The following PKIA variants were observed in gnomAD, a reference collection of about 807,000 sequenced individuals.
PKIA encodes the protein PKI-alpha.
PKIA carries 4 observed loss-of-function variants against 7.6 expected under a neutral mutation model. The ratio of observed to expected loss-of-function variants is 0.52; its 90% CI spans 0.26 to 1.20. PKIA has a LOEUF of 1.20. Ranked by LOEUF, PKIA falls within the 50% of genes most tolerant of loss-of-function variation. PKIA has a pLI of 0.13. For missense variants in PKIA, 73 were observed against 86.2 expected (o/e 0.85, Z 0.61); for synonymous variants, 21 against 30.7 (o/e 0.68, Z 1.04).
At chr8:78,523,804 G>A (rs1809462734) in intron 1 of PKIA, among the ~76,000 whole-genome samples, 1 of 149,638 alleles carries the variant, frequency 6.7e-6, no homozygotes, top group Non-Finnish European at 1.5e-5. Context: ...TAGATTTAAA[G>A]ACCAGGAAAT....
intron 2 of PKIA, among the ~76,000 whole-genome samples, chr8:78,573,841 T>G (rs1807612469): frequency 6.6e-6 from 1 of 151,924 alleles, no homozygotes; most frequent in African/African-American, 2.4e-5. Flanking sequence ...TTTGAATTAA[T>G]GAATAAGTCC....
chr8:78,552,635 G>T (rs538698600), intron 1 of PKIA, among the ~76,000 whole-genome samples: 1 of 151,988 alleles, frequency 6.6e-6, no homozygotes, highest in African/African-American at 2.4e-5. Context: ...GGGAACAATG[G>T]TGAAACATAA....
At chr8:78,521,944 A>G (rs1809425065) in intron 1 of PKIA, among the ~76,000 whole-genome samples, 1 of 151,870 alleles carries the variant, frequency 6.6e-6, no homozygotes. Flanking sequence ...TCATAAGTGG[A>G]ATCACTTATG....
At chr8:78,558,201 A>AT (rs1416947682) in intron 1 of PKIA, among the ~76,000 whole-genome samples, 1 of 152,168 alleles carries the variant, frequency 6.6e-6, no homozygotes. Flanking sequence ...TGTCCCTAAA[A>AT]TATCTATTAT....
chr8:78,597,127 T>G (rs1417968110), intron 2 of PKIA, among the ~76,000 whole-genome samples: 1 of 152,168 alleles, frequency 6.6e-6, no homozygotes, highest in African/African-American at 2.4e-5. Flanking sequence ...TGCTTCTGGC[T>G]TTTTTCTTTT....
At chr8:78,525,475 C>T (rs1412837412) in intron 1 of PKIA, among the ~76,000 whole-genome samples, 1 of 151,942 alleles carries the variant, frequency 6.6e-6, no homozygotes, top group African/African-American at 2.4e-5. Flanking sequence ...TTATCTGACA[C>T]TAAACAGTCC....
chr8:78,523,961 A>AAT (rs1217986707), intron 1 of PKIA, among the ~76,000 whole-genome samples: 4 of 107,154 alleles, frequency 3.7e-5, no homozygotes, highest in African/African-American at 1.8e-4. Flanking sequence ...TTTATATATA[A>AAT]ATATATAAAC....
chr8:78,594,070 A>G (rs1406260269), intron 2 of PKIA, among the ~76,000 whole-genome samples: 2 of 151,974 alleles, frequency 1.3e-5, no homozygotes, highest in East Asian at 1.9e-4. Context: ...AACAAAATGC[A>G]GTAATCTATT....
chr8:78,543,251 C>G (rs142304471), intron 1 of PKIA, among the ~76,000 whole-genome samples: 1 of 152,324 alleles, frequency 6.6e-6, no homozygotes, highest in African/African-American at 2.4e-5. Context: ...AGCATTGCTT[C>G]TAAGTGTCCC....
chr8:78,522,584 C>T (rs976562180), intron 1 of PKIA, among the ~76,000 whole-genome samples: 2 of 151,918 alleles, frequency 1.3e-5, no homozygotes, highest in African/African-American at 2.4e-5. Context: ...GAAATATTCT[C>T]TCTTTTTTCA....
chr8:78,567,204 T>C (rs1462539783), intron 1 of PKIA, among the ~76,000 whole-genome samples: 1 of 152,302 alleles, frequency 6.6e-6, no homozygotes, highest in Admixed American at 6.5e-5. Context: ...TTACATTTGT[T>C]TCAATTAGTG....
intron 1 of PKIA, among the ~76,000 whole-genome samples, chr8:78,531,335 GTT>G (rs1029607431): frequency 7.2e-5 from 11 of 152,150 alleles, no homozygotes; most frequent in African/African-American, 2.4e-4. Flanking sequence ...AGTGATTATG[GTT>G]TTCAGTTTAA....
chr8:78,576,885 T>C (rs1807686475), intron 2 of PKIA, among the ~76,000 whole-genome samples: 1 of 152,052 alleles, frequency 6.6e-6, no homozygotes, highest in Non-Finnish European at 1.5e-5. Flanking sequence ...TGCATACAAA[T>C]GTTCTTTGCA....
At chr8:78,594,012 G>A (rs1808168228) in intron 2 of PKIA, among the ~76,000 whole-genome samples, 3 of 152,124 alleles carry the variant, frequency 2.0e-5, no homozygotes, top group Admixed American at 2.0e-4. Context: ...ATTTAACAAT[G>A]GCTATGTGCA....
intron 1 of PKIA, among the ~76,000 whole-genome samples, chr8:78,518,106 C>A (rs1029645793): frequency 1.3e-5 from 2 of 152,168 alleles, no homozygotes; most frequent in African/African-American, 4.8e-5. Context: ...CTTTCTATTA[C>A]AAATTTCGTT....
In PKIA at chr8:78,598,482, G is replaced by A; in HGVS notation, c.98G>A (p.Gly33Asp). 6.2e-7 allele frequency: 1 copy of A among 1,611,588 alleles called. No individual in the cohort carries two copies. The highest frequency in any genetic ancestry group is 8.5e-7 in the Non-Finnish European group (1 of 1,178,360). Residue 33 changes from glycine (G) to aspartate (D), a missense_variant, in exon 3 of 4, where the codon GGC becomes GAC. Physicochemically the swap from Gly to Asp is moderately conservative, Grantham distance 94. Coordinates refer to ENST00000396418, the MANE Select transcript of PKIA (RefSeq NM_006823.4). Reference protein sequence around the residue: ...IHDILVSSASGNSNELALKLA... With the variant: ...IHDILVSSASDNSNELALKLA... ...GATATCCTGGTTTCCTCTGCAAGTG[G>A]CAACAGCAATGAATTAGCCTTGAAA...
intron 1 of PKIA, among the ~76,000 whole-genome samples, chr8:78,565,565 T>C (rs1218918570): frequency 6.6e-6 from 1 of 151,982 alleles, no homozygotes; most frequent in Non-Finnish European, 1.5e-5. Flanking sequence ...ATTTGCATAG[T>C]TAGAAGCTCC....
Position 78,603,546 on chromosome 8 carries a change from A to T in PKIA, c.*1725A>T, listed in dbSNP as rs532723067. ...CTTTCCGAGAGCAGAACGAGGAAAG[A>T]TTAAATTTTAGAATGCTTCCTTCTG... On this transcript the variant is annotated 3_prime_UTR_variant, in exon 4 of 4. Coordinates refer to ENST00000396418, the MANE Select transcript of PKIA (RefSeq NM_006823.4). 6.6e-6 allele frequency: 1 copy of T among 152,010 alleles called. No homozygotes were observed. The highest frequency in any genetic ancestry group is 2.1e-4 in the South Asian group (1 of 4,830). 9.4% of individuals were successfully genotyped at this position (152,010 alleles called of 1,614,324 possible).
At chr8:78,552,107 T>C (rs766093634) in intron 1 of PKIA, among the ~76,000 whole-genome samples, 9 of 151,924 alleles carry the variant, frequency 5.9e-5, no homozygotes, top group Non-Finnish European at 1.2e-4. Context: ...GGAGAGAATT[T>C]AATTAACAAT....
Sources: allele counts gnomAD v4.1 joint callset (sites outside exome capture counted in the v4.1 genomes callset), GRCh38; gene constraint gnomAD v4.1.1; transcripts MANE v1.5; gene names NCBI Gene and HGNC (gene_info 2026-07-23, HGNC 2026-07-21).